Variants in LDLRAD3 observed in about 807,000 individuals in gnomAD.
LDLRAD3 encodes low-density lipoprotein receptor class A domain-containing protein 3.
Under a neutral mutation model 29.4 loss-of-function variants are expected in LDLRAD3, and 20 were observed. That is an observed-to-expected ratio of 0.68 (90% CI 0.48 to 0.99). The LOEUF is 0.99. Ranked by LOEUF, LDLRAD3 falls within the 50% of genes least tolerant of loss-of-function variation. LDLRAD3 has a pLI of 0.00. For missense variants in LDLRAD3, 420 were observed against 454.3 expected (o/e 0.92, Z 0.69); for synonymous variants, 157 against 192.7 (o/e 0.81, Z 1.53).
intron 1 of LDLRAD3, among the ~76,000 whole-genome samples, chr11:35,998,769 G>A (rs1851786389): frequency 6.6e-6 from 1 of 152,190 alleles, no homozygotes; most frequent in South Asian, 2.1e-4. Flanking sequence ...TACTAGAGCG[G>A]TTATTGCTTT....
chr11:36,133,854 G>A (rs1031503379), intron 4 of LDLRAD3, among the ~76,000 whole-genome samples: 1 of 151,910 alleles, frequency 6.6e-6, no homozygotes, highest in Non-Finnish European at 1.5e-5. Flanking sequence ...TACATCGAAG[G>A]ATAAAATGGT....
intron 1 of LDLRAD3, among the ~76,000 whole-genome samples, chr11:36,004,124 A>T (rs1851856537): frequency 6.6e-6 from 1 of 152,140 alleles, no homozygotes; most frequent in Non-Finnish European, 1.5e-5. Flanking sequence ...TGCAAAATAC[A>T]ATTATCTCTT....
intron 1 of LDLRAD3, among the ~76,000 whole-genome samples, chr11:35,983,046 G>A (rs1851562861): frequency 6.6e-6 from 1 of 152,016 alleles, no homozygotes; most frequent in African/African-American, 2.4e-5. Flanking sequence ...TAGAGGCAGG[G>A]TTTTACCATG....
intron 1 of LDLRAD3, among the ~76,000 whole-genome samples, chr11:36,027,174 C>G (rs10836482): frequency 0.34 from 52,181 of 152,044 alleles, 9,045 homozygotes; most frequent in East Asian, 0.44. Context: ...TTAAGAATGT[C>G]AGGCTTCAAA....
chr11:35,981,013 G>A (rs1389516367), intron 1 of LDLRAD3, among the ~76,000 whole-genome samples: 1 of 152,098 alleles, frequency 6.6e-6, no homozygotes, highest in Non-Finnish European at 1.5e-5. Context: ...AGACTTCCTC[G>A]TTTGGATTTT....
intron 4 of LDLRAD3, among the ~76,000 whole-genome samples, chr11:36,209,254 A>G (rs1031411177): frequency 6.6e-6 from 1 of 152,152 alleles, no homozygotes; most frequent in African/African-American, 2.4e-5. Context: ...CTTAGTTAAT[A>G]CAGTTGTTCC....
intron 4 of LDLRAD3, among the ~76,000 whole-genome samples, chr11:36,116,844 C>CTTTTTTTTTTT (rs58819693): frequency 7.3e-6 from 1 of 136,986 alleles, no homozygotes. Flanking sequence ...TTCTTTTTTT[C>CTTTTTTTTTTT]TTTTTTTTTT....
At chr11:36,030,281 G>A (rs2133205240) in intron 1 of LDLRAD3, among the ~76,000 whole-genome samples, 1 of 152,328 alleles carries the variant, frequency 6.6e-6, no homozygotes, top group Non-Finnish European at 1.5e-5. Flanking sequence ...AACCGAATGG[G>A]AAGTGCACAG....
chr11:36,139,688 C>G (rs1854052494), intron 4 of LDLRAD3, among the ~76,000 whole-genome samples: 1 of 152,226 alleles, frequency 6.6e-6, no homozygotes, highest in South Asian at 2.1e-4. Flanking sequence ...CCACCAAACC[C>G]TGCCAGTTTC....
rs922001339 is a variant in LDLRAD3 at position 36,176,992 on chromosome 11, G to T, written c.455-50093G>T. Among the ~76,000 whole-genome samples the T allele has an allele frequency of 3.3e-5, 5 of 152,078 alleles. No homozygotes were observed. The South Asian group carries it at 1.0e-3, about 32-fold the overall frequency. ...GTTTAACATAATCCCAAACTTCTTG[G>T]GGGCTTTGTTCAATTTTTTTTTTCT... On this transcript the variant is annotated intron_variant, in intron 4 of 5. Transcript: ENST00000315571.
intron 2 of LDLRAD3, among the ~76,000 whole-genome samples, chr11:36,050,106 A>AAC (rs1852506811): frequency 6.6e-6 from 1 of 152,200 alleles, no homozygotes. Context: ...TTCTTGAATC[A>AAC]CATAGAGAGC....
At chr11:36,223,209 A>G (rs1378965872) in intron 4 of LDLRAD3, among the ~76,000 whole-genome samples, 1 of 152,176 alleles carries the variant, frequency 6.6e-6, no homozygotes, top group Admixed American at 6.5e-5. Context: ...GGCAAATGTG[A>G]TCGCTGCGTC....
At chr11:36,104,941 T>G (rs1370681309) in intron 4 of LDLRAD3, among the ~76,000 whole-genome samples, 1 of 152,180 alleles carries the variant, frequency 6.6e-6, no homozygotes, top group Non-Finnish European at 1.5e-5. Context: ...TTTCCCTCTC[T>G]TTGTACTCCA....
Position 35,991,527 on chromosome 11 carries a change from G to A in LDLRAD3, c.47-44576G>A, listed in dbSNP as rs927326903. On this transcript the variant is annotated intron_variant, in intron 1 of 5. Transcript: ENST00000315571. ...GGCTTTGTGAGGGCCATAAATTTAA[G>A]GCATATAGGAATTGTATTTATTCCT... 5.7e-4 allele frequency among the ~76,000 whole-genome samples: 87 copies of A among 152,264 alleles called. 1 individual carries two copies. The highest frequency in any genetic ancestry group is 3.9e-4 in the Admixed American group (6 of 15,300).
chr11:36,030,848 C>T (rs550246314), intron 1 of LDLRAD3, among the ~76,000 whole-genome samples: 4 of 152,280 alleles, frequency 2.6e-5, no homozygotes, highest in South Asian at 2.1e-4. Flanking sequence ...GAGGAGAGAG[C>T]CAGGAGGACT....
intron 2 of LDLRAD3, among the ~76,000 whole-genome samples, chr11:36,077,660 A>G (rs947446719): frequency 1.3e-5 from 2 of 152,192 alleles, no homozygotes; most frequent in African/African-American, 4.8e-5. Context: ...AGCAGCTTCC[A>G]TGGCTGACAC....
intron 4 of LDLRAD3, among the ~76,000 whole-genome samples, chr11:36,120,781 C>T (rs1338081317): frequency 3.9e-5 from 6 of 152,148 alleles, no homozygotes; most frequent in Non-Finnish European, 8.8e-5. Context: ...TTCTAACCCC[C>T]AGTATGATTG....
intron 2 of LDLRAD3, among the ~76,000 whole-genome samples, chr11:36,040,165 G>T (rs1034272290): frequency 3.0e-4 from 7 of 23,660 alleles, no homozygotes; most frequent in African/African-American, 6.9e-4. Flanking sequence ...AAGATAATAC[G>T]CTTCTTAAAA....
chr11:36,203,584 G>A (rs1018039591), intron 4 of LDLRAD3, among the ~76,000 whole-genome samples: 1 of 152,158 alleles, frequency 6.6e-6, no homozygotes, highest in South Asian at 2.1e-4. Flanking sequence ...GGTAAGAGCC[G>A]GAGTGCGAGT....
Sources: gnomAD v4.1 joint callset for allele counts (sites outside exome capture counted in the v4.1 genomes callset) on GRCh38, gnomAD v4.1.1 for gene constraint, MANE v1.5 for transcripts, NCBI Gene and HGNC (gene_info 2026-07-23, HGNC 2026-07-21) for gene names.